CHST9: variants seen among roughly 807,000 people sequenced by gnomAD.
CHST9 encodes GalNAc-4-sulfotransferase 2.
Under a neutral mutation model 44.4 loss-of-function variants are expected in CHST9, and 41 were observed. The observed-to-expected ratio is 0.92, with a 90% CI of 0.72 to 1.20. The LOEUF is 1.20. Ranked by LOEUF, CHST9 falls within the 50% of genes most tolerant of loss-of-function variation. The pLI, the probability that CHST9 is intolerant of heterozygous loss-of-function variation, is 0.00. For synonymous variants in CHST9, 171 were observed against 178.4 expected (o/e 0.96, Z 0.33); for missense variants, 504 against 516.5 (o/e 0.98, Z 0.23).
At chr18:27,055,093 C>T (rs866939450) in intron 2 of CHST9, among the ~76,000 whole-genome samples, 3 of 152,144 alleles carry the variant, frequency 2.0e-5, no homozygotes, top group Admixed American at 6.5e-5. Flanking sequence ...CTGCCTTGCT[C>T]TGAGAGGTAT....
intron 5 of CHST9, among the ~76,000 whole-genome samples, chr18:26,926,683 T>G (rs1251424020): frequency 6.6e-6 from 1 of 152,214 alleles, no homozygotes; most frequent in Non-Finnish European, 1.5e-5. Context: ...GTTCTCTAAT[T>G]CTAACCCAGT....
intron 2 of CHST9, among the ~76,000 whole-genome samples, chr18:27,070,924 C>A (rs974473381): frequency 3.9e-5 from 6 of 152,162 alleles, no homozygotes; most frequent in Non-Finnish European, 7.4e-5. Context: ...AAGGAGGGGA[C>A]TAGCCAGACT....
chr18:27,163,909 G>T (rs2058769262), intron 1 of CHST9, among the ~76,000 whole-genome samples: 1 of 152,182 alleles, frequency 6.6e-6, no homozygotes. Context: ...TGTTGCTCAT[G>T]CTGGGAGCTG....
chr18:26,936,073 A>C (rs2055985787), intron 5 of CHST9: 1 of 152,196 alleles, frequency 6.6e-6, no homozygotes, highest in South Asian at 2.1e-4. Flanking sequence ...AGACATACGC[A>C]AAAGGATGCA....
intron 2 of CHST9, among the ~76,000 whole-genome samples, chr18:27,067,402 C>T (rs988756323): frequency 6.6e-6 from 1 of 150,506 alleles, no homozygotes; most frequent in Non-Finnish European, 1.5e-5. Context: ...ACACTGCTGT[C>T]TGGCATTTTC....
Position 26,911,388 on chromosome 18 carries a change from C to G in CHST9, c.*4871G>C, listed in dbSNP as rs547678429. On this transcript the variant is annotated 3_prime_UTR_variant, in exon 6 of 6. Coordinates refer to ENST00000618847, the MANE Select transcript of CHST9 (RefSeq NM_031422.6). ...CACATGAACAAATAAATTAACGAAC[C>G]TCCCTGACAAAAAAAATCGAGGAAA... The G allele has an allele frequency of 6.6e-6, 1 of 152,072 alleles. No individual in the cohort carries two copies. The highest frequency in any genetic ancestry group is 2.4e-5 in the African/African-American group (1 of 41,402). The allele number at this position is 152,072 out of a possible 1,614,324, so 9.4% of individuals were successfully genotyped here. A position where few individuals can be genotyped will look rare whatever the true frequency, so the allele number is the denominator to read the frequency against.
intron 4 of CHST9, among the ~76,000 whole-genome samples, chr18:26,982,725 C>T (rs1159417399): frequency 1.3e-5 from 2 of 152,100 alleles, no homozygotes; most frequent in African/African-American, 4.8e-5. Context: ...CTTGAAGTCT[C>T]CATTTACTGT....
At chr18:26,949,784 G>A (rs1376464769) in intron 4 of CHST9, among the ~76,000 whole-genome samples, 1 of 152,192 alleles carries the variant, frequency 6.6e-6, no homozygotes, top group African/African-American at 2.4e-5. Context: ...GACACAGCCA[G>A]TGTAATCATA....
chr18:26,972,254 G>T lies in CHST9; in HGVS notation c.203-27888C>A, dbSNP rs543527105. 4.6e-5 allele frequency among the ~76,000 whole-genome samples: 7 copies of T among 151,282 alleles called. No individual in the cohort carries two copies. The South Asian group carries it at 8.4e-4, about 18-fold the overall frequency. On this transcript the variant is annotated intron_variant, in intron 4 of 5. Coordinates refer to ENST00000618847, the MANE Select transcript of CHST9 (RefSeq NM_031422.6). Reference sequence around the variant, plus strand: ...GGCCTGTAGTCCCAGCTACTCGGGAGGGTGAGGCAAGAGAATCACTTGAAC... The same window carrying T: ...GGCCTGTAGTCCCAGCTACTCGGGATGGTGAGGCAAGAGAATCACTTGAAC...
intron 4 of CHST9, among the ~76,000 whole-genome samples, chr18:26,999,685 G>A (rs1459279282): frequency 1.3e-5 from 2 of 152,070 alleles, no homozygotes; most frequent in Non-Finnish European, 2.9e-5. Context: ...TCCTGAGAAA[G>A]TTATATTTTT....
chr18:26,984,141 T>C (rs765469611), intron 4 of CHST9, among the ~76,000 whole-genome samples: 14 of 152,220 alleles, frequency 9.2e-5, no homozygotes, highest in Non-Finnish European at 1.6e-4. Context: ...CCATGAGCTA[T>C]GGAAATTAAT....
At chr18:27,076,140 G>C (rs573226853) in intron 2 of CHST9, among the ~76,000 whole-genome samples, 56 of 152,150 alleles carry the variant, frequency 3.7e-4, no homozygotes, top group Non-Finnish European at 7.2e-4. Flanking sequence ...TTGATAAAAA[G>C]AACTTGGTTT....
At chr18:27,160,338 G>A (rs138540415) in intron 1 of CHST9, among the ~76,000 whole-genome samples, 48,324 of 151,980 alleles carry the variant, frequency 0.32, 8,316 homozygotes, top group Non-Finnish European at 0.39. Flanking sequence ...GAATTTTGTC[G>A]AAGGCCTTTT....
intron 3 of CHST9, among the ~76,000 whole-genome samples, chr18:27,035,568 T>C (rs1353651071): frequency 6.6e-6 from 1 of 152,024 alleles, no homozygotes; most frequent in Non-Finnish European, 1.5e-5. Context: ...GTACATATAA[T>C]ATATAATGCA....
At chr18:27,144,016 G>A (rs2143874391) in intron 1 of CHST9, among the ~76,000 whole-genome samples, 1 of 152,226 alleles carries the variant, frequency 6.6e-6, no homozygotes, top group South Asian at 2.1e-4. Context: ...TGTTCCCAAT[G>A]AACTGCCACA....
chr18:26,989,150 G>T (rs1326037658), intron 4 of CHST9, among the ~76,000 whole-genome samples: 2 of 151,992 alleles, frequency 1.3e-5, no homozygotes, highest in Non-Finnish European at 2.9e-5. Flanking sequence ...AGAATGAAAA[G>T]ACAAAGAATA....
intron 1 of CHST9, among the ~76,000 whole-genome samples, chr18:27,148,519 G>T (rs2058633612): frequency 7.0e-6 from 1 of 142,276 alleles, no homozygotes; most frequent in East Asian, 2.2e-4. Context: ...TTGGTTTTTT[G>T]TCCTTGTGAT....
intron 4 of CHST9, among the ~76,000 whole-genome samples, chr18:26,973,453 A>G (rs1358982854): frequency 6.6e-6 from 1 of 152,232 alleles, no homozygotes; most frequent in Non-Finnish European, 1.5e-5. Context: ...GTAGTCTCAT[A>G]AAAGCTGGAG....
At chr18:27,034,071 T>G (rs1402213233) in intron 3 of CHST9, among the ~76,000 whole-genome samples, 3 of 152,236 alleles carry the variant, frequency 2.0e-5, no homozygotes, top group African/African-American at 7.2e-5. Context: ...GCAGTAGATA[T>G]CCAAGAAGCA....
Sources: gnomAD v4.1 joint callset for allele counts (sites outside exome capture counted in the v4.1 genomes callset) on GRCh38, gnomAD v4.1.1 for gene constraint, MANE v1.5 for transcripts, NCBI Gene and HGNC (gene_info 2026-07-23, HGNC 2026-07-21) for gene names.